The following TARS2 variants were observed in gnomAD, a reference collection of about 807,000 sequenced individuals.
The protein encoded by TARS2 is threonine--tRNA ligase, mitochondrial.
A neutral mutation model predicts 94.4 loss-of-function variants in TARS2; 61 were observed. That is an observed-to-expected ratio of 0.65 (90% CI 0.53 to 0.80). TARS2 has a LOEUF of 0.80. Ranked by LOEUF, TARS2 falls within the 30% of genes least tolerant of loss-of-function variation. TARS2 has a pLI of 0.00. For missense variants in TARS2, 704 were observed against 902.5 expected, an observed-to-expected ratio of 0.78 and a Z score of 2.82; for synonymous variants, 359 against 353.4, an observed-to-expected ratio of 1.02 and a Z score of -0.18.
At chr1:150,497,040 T>C (rs961642369) in intron 9 of TARS2, 132 bp downstream of exon 9, 7 of 831,908 alleles carry the variant, frequency 8.4e-6, no homozygotes. Flanking sequence ...CCTAGCACTT[T>C]CGGAGGCTGA....
chr1:150,503,651 GTA>G (rs1167561326), intron 13 of TARS2, among the ~76,000 whole-genome samples: 8 of 148,976 alleles, frequency 5.4e-5, no homozygotes, highest in African/African-American at 7.5e-5. Context: ...ATATATGTGT[GTA>G]TATATGTGTG....
intron 17 of TARS2, 102 bp downstream of exon 17, chr1:150,505,807 A>AT: frequency 9.2e-7 from 1 of 1,082,804 alleles, no homozygotes; most frequent in South Asian, 1.5e-5. Context: ...ATTGGGGCTC[A>AT]TTACCTGAGC....
chr1:150,503,599 G>GTGTGTGTA (rs1378262958), intron 13 of TARS2, among the ~76,000 whole-genome samples: 1 of 133,474 alleles, frequency 7.5e-6, no homozygotes, highest in African/African-American at 2.8e-5. Flanking sequence ...GTGTGTGTGT[G>GTGTGTGTA]TGTATGTGTG....
At chr1:150,497,895 C>A in intron 10 of TARS2, 148 bp downstream of exon 10, 2 of 746,756 alleles carry the variant, frequency 2.7e-6, no homozygotes, top group Non-Finnish European at 4.2e-6. Context: ...AGTTTGAGAC[C>A]AGCCTGACCA....
At position 150,487,495 on chromosome 1, in the gene TARS2, AC is replaced by A. The variant is rs1335371789; in HGVS notation, c.46del (p.Gln16ArgfsTer32). ...GGCGGTGTCTCCGGCTCCAAGGTTT[AC>A]AGGCTTGCAGGCTACACACGGTGCG... ...RWRCLRLQGL[Q>X]ACRLHTAVVS... On this transcript the variant is annotated frameshift_variant, in exon 1 of 18. Coordinates refer to ENST00000369064, the MANE Select transcript of TARS2 (RefSeq NM_025150.5). LOFTEE classifies it high-confidence loss of function. The A allele has an allele frequency of 6.2e-7, 1 of 1,614,228 alleles. No individual in the cohort carries two copies. The highest frequency in any genetic ancestry group is 8.5e-7 in the Non-Finnish European group (1 of 1,180,044).
Position 150,504,465 on chromosome 1 carries a change from C to T in TARS2, c.1718+30C>T, listed in dbSNP as rs765899036. The T allele has an allele frequency of 1.1e-5, 18 of 1,608,324 alleles. No homozygotes were observed. The Admixed American group carries it at 2.3e-4, about 21-fold the overall frequency. On this transcript the variant is annotated intron_variant, in intron 14 of 17. Transcript: ENST00000369064. ...AAAACCTTGCCCTATCCTCTTTTCCCTTGACAGTGCATGGAATAAGTCCTT... is the reference window on the plus strand; with the variant it reads ...AAAACCTTGCCCTATCCTCTTTTCCTTTGACAGTGCATGGAATAAGTCCTT...
chr1:150,505,145 T>C (rs1262144302), intron 16 of TARS2, among the ~76,000 whole-genome samples, 167 bp downstream of exon 16: 1 of 152,146 alleles, frequency 6.6e-6, no homozygotes, highest in Non-Finnish European at 1.5e-5. Flanking sequence ...AAATCCTGTA[T>C]CTAAAAAATG....
rs587688684 is a variant in TARS2 at position 150,494,225 on chromosome 1, G to T, written c.774+1736G>T. Reference sequence around the variant, plus strand: ...CTACTAAAAATACACAAATTAGCTGGGTGTGCTGGCCTACGCCTGTAATCC... The same window carrying T: ...CTACTAAAAATACACAAATTAGCTGTGTGTGCTGGCCTACGCCTGTAATCC... On this transcript the variant is annotated intron_variant, in intron 7 of 17. Coordinates refer to ENST00000369064, the MANE Select transcript of TARS2 (RefSeq NM_025150.5). Among the ~76,000 whole-genome samples the T allele has an allele frequency of 2.6e-5, 4 of 151,670 alleles. No homozygotes were observed. In the East Asian group the frequency reaches 5.8e-4, roughly 22 times the overall value.
rs775282272 is a variant in TARS2, at chr1:150,498,523, C to G, written c.1260C>G (p.Pro420=). 2.5e-6 allele frequency: 4 copies of G among 1,592,294 alleles called. No homozygotes were observed. In the South Asian group the frequency reaches 4.5e-5, roughly 18 times the overall value. ...PAHCLMFAHR[P]RSWRELPLRL... Reference sequence around the variant, plus strand: ...TCAGCCTGATGTTCGCCCACCGGCCCAGATCCTGGCGGGAACTGCCCCTGC... The same window carrying G: ...TCAGCCTGATGTTCGCCCACCGGCCGAGATCCTGGCGGGAACTGCCCCTGC... Residue 420 remains proline (P), a synonymous_variant, in exon 11 of 18, where the codon CCC becomes CCG. Coordinates refer to ENST00000369064, the MANE Select transcript of TARS2 (RefSeq NM_025150.5).
chr1:150,500,773 G>A (rs1262399509), intron 13 of TARS2, among the ~76,000 whole-genome samples: 2 of 151,570 alleles, frequency 1.3e-5, no homozygotes, highest in African/African-American at 4.8e-5. Context: ...GCAGTGAGCC[G>A]AGGTCGCACC....
chr1:150,504,436 G>A lies in TARS2; in HGVS notation c.1718+1G>A. On this transcript the variant is annotated splice_donor_variant, in intron 14 of 17. Coordinates refer to ENST00000369064, the MANE Select transcript of TARS2 (RefSeq NM_025150.5). LOFTEE classifies it high-confidence loss of function. ...TGAGATTTGACCTCCAGTATAAGGG[G>A]TATAAAACCTTGCCCTATCCTCTTT... 1 of 1,614,008 alleles carries A rather than the reference G, an allele frequency of 6.2e-7. No homozygotes were observed.
At chr1:150,491,879 C>T in intron 6 of TARS2, 1 of 509,684 alleles carries the variant, frequency 2.0e-6, no homozygotes. Context: ...ACTGCAACCT[C>T]CGCCTCCTGG....
At chr1:150,504,230 C>A in intron 13 of TARS2, 105 bp from the exon 14 acceptor site, 2 of 1,047,910 alleles carry the variant, frequency 1.9e-6, no homozygotes, top group South Asian at 2.8e-5. Flanking sequence ...GGTAGTAGCC[C>A]GGGATGAGGG....
At chr1:150,498,730 A>C (rs1416982672) in intron 11 of TARS2, 66 bp downstream of exon 11, 1 of 1,609,850 alleles carries the variant, frequency 6.2e-7, no homozygotes, top group Non-Finnish European at 8.5e-7. Flanking sequence ...TGAACCTGCA[A>C]ACCCCTGATC....
chr1:150,495,008 T>C (rs1230414562), intron 7 of TARS2, among the ~76,000 whole-genome samples: 7 of 151,556 alleles, frequency 4.6e-5, no homozygotes, highest in South Asian at 2.1e-4. Context: ...GGTGAAACCC[T>C]GTCTACTAAA....
Position 150,505,579 on chromosome 1 carries a change from C to T in TARS2, c.1894-12C>T, listed in dbSNP as rs1670164271. The T allele has an allele frequency of 6.2e-7, 1 of 1,609,682 alleles. No individual in the cohort carries two copies. Among genetic ancestry groups the T allele is most frequent in the South Asian group, 1.1e-5 (1 of 90,996 alleles). On this transcript the variant is annotated splice_polypyrimidine_tract_variant and intron_variant, in intron 16 of 17. Coordinates refer to ENST00000369064, the MANE Select transcript of TARS2 (RefSeq NM_025150.5). ...AGTAAATTAACTTCCTGTCACCAAA[C>T]CTCTGTTGCAGGCACAGCAGAGCCT...
At chr1:150,501,334 T>TTTTCC in intron 13 of TARS2, among the ~76,000 whole-genome samples, 1 of 98,668 alleles carries the variant, frequency 1.0e-5, no homozygotes, top group Non-Finnish European at 1.9e-5. Flanking sequence ...TTTTTTTTTA[T>TTTTCC]TGAGACTATG....
At chr1:150,493,937 A>G (rs1347886983) in intron 7 of TARS2, among the ~76,000 whole-genome samples, 1 of 152,076 alleles carries the variant, frequency 6.6e-6, no homozygotes, top group African/African-American at 2.4e-5. Flanking sequence ...TGGGTGGATC[A>G]CTTGAGATCA....
intron 17 of TARS2, among the ~76,000 whole-genome samples, chr1:150,506,702 G>C (rs749616656): frequency 3.3e-5 from 5 of 151,694 alleles, no homozygotes; most frequent in Admixed American, 6.6e-5. Context: ...TAAGGCCTGC[G>C]GGGACTGAAG....
Sources: allele counts gnomAD v4.1 joint callset (sites outside exome capture counted in the v4.1 genomes callset), GRCh38; gene constraint gnomAD v4.1.1; transcripts MANE v1.5; gene names NCBI Gene and HGNC (gene_info 2026-07-23, HGNC 2026-07-21).